EYS: variants seen among roughly 807,000 people sequenced by gnomAD.
EYS encodes the protein protein eyes shut homolog.
Under a neutral mutation model 282.1 loss-of-function variants are expected in EYS, and 250 were observed. The observed-to-expected ratio is 0.89, with a 90% confidence interval of 0.80 to 0.98. The LOEUF is 0.98. Ranked by LOEUF, EYS falls within the 50% of genes least tolerant of loss-of-function variation. EYS has a pLI of 0.00. For missense variants in EYS, 4,016 were observed against 3,709.0 expected (o/e 1.08, Z -2.15); for synonymous variants, 1,355 against 1,282.9 (o/e 1.06, Z -1.20).
chr6:63,962,575 A>C (rs983506019), intron 35 of EYS, among the ~76,000 whole-genome samples: 8 of 152,198 alleles, frequency 5.3e-5, no homozygotes, highest in African/African-American at 1.7e-4. Context: ...ATCTCACACC[A>C]GTTGGAATGG....
Position 63,962,739 on chromosome 6 carries a change from C to T in EYS, c.7055+21644G>A, listed in dbSNP as rs150607852. ...ATCTAGAACTAGAAATACCATTTGA[C>T]CCAGCCATCGCATTACTGGGTATAT... On this transcript the variant is annotated intron_variant, in intron 35 of 42. Transcript: ENST00000503581. 2.7e-3 allele frequency among the ~76,000 whole-genome samples: 407 copies of T among 152,250 alleles called. 2 individuals carry two copies. Among genetic ancestry groups the T allele is most frequent in the African/African-American group, 9.4e-3 (389 of 41,542 alleles).
chr6:65,336,621 A>G (rs189795341), intron 10 of EYS, among the ~76,000 whole-genome samples: 19 of 151,710 alleles, frequency 1.3e-4, no homozygotes, highest in African/African-American at 4.1e-4. Context: ...GTTTTGCTAA[A>G]TACTTTTATC....
intron 29 of EYS, among the ~76,000 whole-genome samples, chr6:64,311,217 T>C (rs1276010473): frequency 2.0e-5 from 3 of 152,172 alleles, no homozygotes; most frequent in Non-Finnish European, 4.4e-5. Context: ...AATTTGTGTT[T>C]ATAATAATCA....
chr6:65,456,194 C>T (rs973907833), intron 5 of EYS, among the ~76,000 whole-genome samples: 17 of 151,930 alleles, frequency 1.1e-4, no homozygotes, highest in Admixed American at 6.6e-5. Context: ...AGCTCACACC[C>T]GTAACCCTAG....
intron 14 of EYS, among the ~76,000 whole-genome samples, chr6:64,995,321 T>C (rs1435638715): frequency 1.3e-5 from 2 of 152,216 alleles, no homozygotes; most frequent in Non-Finnish European, 2.9e-5. Flanking sequence ...TGGAAGACTG[T>C]ACCTGCTTTA....
At chr6:64,198,935 T>G (rs1467830290) in intron 31 of EYS, among the ~76,000 whole-genome samples, 1 of 152,176 alleles carries the variant, frequency 6.6e-6, no homozygotes, top group Non-Finnish European at 1.5e-5. Context: ...TAATTTACAC[T>G]CCCACCAACA....
intron 26 of EYS, among the ~76,000 whole-genome samples, chr6:64,502,535 T>C (rs1406114009): frequency 6.6e-6 from 1 of 152,202 alleles, no homozygotes; most frequent in Non-Finnish European, 1.5e-5. Context: ...GGCTGGTGTT[T>C]TTTTAAGGTT....
At chr6:65,011,221 T>C (rs182336078) in intron 13 of EYS, among the ~76,000 whole-genome samples, 1 of 152,312 alleles carries the variant, frequency 6.6e-6, no homozygotes, top group East Asian at 1.9e-4. Context: ...TAGGCATAGA[T>C]AGCACCGATC....
At chr6:65,036,055 G>A (rs1772759651) in intron 13 of EYS, among the ~76,000 whole-genome samples, 2 of 151,300 alleles carry the variant, frequency 1.3e-5, no homozygotes, top group African/African-American at 4.8e-5. Context: ...AAAGCCAGAG[G>A]CATCACAGTA....
Position 64,802,030 on chromosome 6 carries a change from TTTC to T in EYS, c.3443+11345_3443+11347del, listed in dbSNP as rs1340530992. On this transcript the variant is annotated intron_variant, in intron 22 of 42. Transcript: ENST00000503581. ...TATAACAAATTTCTTTTTCTTTTTT[TTTC>T]TTTTTTTTTTTTTTTTTTGAGACGG... is the stretch of plus-strand genomic sequence containing the variant. 2.9e-4 allele frequency among the ~76,000 whole-genome samples: 34 copies of T among 115,840 alleles called. 1 individual carries two copies. The highest frequency in any genetic ancestry group is 6.8e-4 in the South Asian group (2 of 2,934). 76.0% of individuals were successfully genotyped at this position (115,840 alleles called of 152,430 possible). A position where few individuals can be genotyped will look rare whatever the true frequency, so the allele number is the denominator to read the frequency against.
chr6:63,808,230 G>A (rs1358308779), intron 36 of EYS, among the ~76,000 whole-genome samples: 3 of 152,162 alleles, frequency 2.0e-5, no homozygotes, highest in Non-Finnish European at 2.9e-5. Context: ...AGAAGAAACA[G>A]CATGTTCTAG....
At chr6:64,257,444 T>C (rs1443743329) in intron 30 of EYS, among the ~76,000 whole-genome samples, 1 of 152,026 alleles carries the variant, frequency 6.6e-6, no homozygotes, top group African/African-American at 2.4e-5. Context: ...TAGTTTGGCC[T>C]CAATATCCAA....
chr6:65,225,178 T>C (rs1766587287), intron 12 of EYS, among the ~76,000 whole-genome samples: 2 of 151,400 alleles, frequency 1.3e-5, no homozygotes, highest in South Asian at 4.1e-4. Flanking sequence ...AATATATGTA[T>C]AATATATAGA....
At chr6:64,689,557 C>A (rs548660795) in intron 22 of EYS, among the ~76,000 whole-genome samples, 231 of 152,182 alleles carry the variant, frequency 1.5e-3, no homozygotes, top group African/African-American at 4.9e-3. Flanking sequence ...GGAGGCATCA[C>A]ACTACCTGAC....
intron 12 of EYS, among the ~76,000 whole-genome samples, chr6:65,187,850 A>C (rs2150237602): frequency 6.6e-6 from 1 of 151,748 alleles, no homozygotes; most frequent in South Asian, 2.1e-4. Context: ...TGCTAATTTT[A>C]TTTTTCCCAA....
chr6:65,620,970 C>T (rs1308752254), intron 2 of EYS, among the ~76,000 whole-genome samples: 5 of 152,136 alleles, frequency 3.3e-5, no homozygotes, highest in Non-Finnish European at 7.3e-5. Flanking sequence ...GCTTTACTTC[C>T]AACTATGTGG....
At chr6:63,747,892 C>G (rs1441710832) in intron 41 of EYS, among the ~76,000 whole-genome samples, 1 of 151,842 alleles carries the variant, frequency 6.6e-6, no homozygotes. Flanking sequence ...GGGTTCTTGA[C>G]TCTTTATCCA....
intron 2 of EYS, among the ~76,000 whole-genome samples, chr6:65,585,857 A>C (rs1765025357): frequency 6.6e-6 from 1 of 152,026 alleles, no homozygotes; most frequent in South Asian, 2.1e-4. Context: ...AAATACTAAA[A>C]GGTTTAGTAA....
At chr6:65,310,453 T>C (rs1181353002) in intron 11 of EYS, among the ~76,000 whole-genome samples, 1 of 151,966 alleles carries the variant, frequency 6.6e-6, no homozygotes, top group Non-Finnish European at 1.5e-5. Context: ...GTACCCACAC[T>C]CTTGTGAAGT....
Sources: allele counts gnomAD v4.1 joint callset (sites outside exome capture counted in the v4.1 genomes callset), GRCh38; gene constraint gnomAD v4.1.1; transcripts MANE v1.5; gene names NCBI Gene and HGNC (gene_info 2026-07-23, HGNC 2026-07-21).